Variants in PATJ observed in about 807,000 individuals in gnomAD.
PATJ encodes inaD-like protein.
Under a neutral mutation model 224.9 loss-of-function variants are expected in PATJ, and 190 were observed. The observed-to-expected ratio is 0.84, with a 90% CI of 0.75 to 0.95. The LOEUF (loss-of-function observed/expected upper bound fraction) is 0.95. Ranked by LOEUF, PATJ falls within the 40% of genes least tolerant of loss-of-function variation. The pLI is 0.00. For synonymous variants in PATJ, 769 were observed against 820.3 expected, an observed-to-expected ratio of 0.94 and a Z score of 1.07; for missense variants, 2,121 against 2,270.3, an observed-to-expected ratio of 0.93 and a Z score of 1.34.
intron 33 of PATJ, among the ~76,000 whole-genome samples, chr1:62,095,448 A>AT (rs1341188952): frequency 4.6e-5 from 7 of 152,234 alleles, no homozygotes; most frequent in African/African-American, 1.7e-4. Context: ...TCATCTCTGC[A>AT]TTTTACCTTT....
chr1:62,127,902 T>G, intron 39 of PATJ, 70 bp from the exon 40 acceptor site: 1 of 1,528,882 alleles, frequency 6.5e-7, no homozygotes, highest in Non-Finnish European at 9.0e-7. Flanking sequence ...CCAACAGCTA[T>G]CTATCTAGGG....
At chr1:62,127,649 T>C (rs1191617574) in intron 39 of PATJ, among the ~76,000 whole-genome samples, 1 of 151,988 alleles carries the variant, frequency 6.6e-6, no homozygotes, top group African/African-American at 2.4e-5. Flanking sequence ...CTACTAAAAA[T>C]ACAAAAAATT....
At chr1:61,845,662 C>T in intron 17 of PATJ, among the ~76,000 whole-genome samples, 1 of 152,082 alleles carries the variant, frequency 6.6e-6, no homozygotes, top group African/African-American at 2.4e-5. Context: ...TTTATTTCTA[C>T]ATATTGTGTG....
chr1:61,861,269 A>C (rs1334506689), intron 18 of PATJ, among the ~76,000 whole-genome samples: 1 of 51,486 alleles, frequency 1.9e-5, no homozygotes, highest in Non-Finnish European at 4.9e-5. Flanking sequence ...TGAAACCAGG[A>C]TATTTTCTTT....
chr1:61,909,125 A>C (rs1004219545), intron 25 of PATJ, among the ~76,000 whole-genome samples: 1 of 151,920 alleles, frequency 6.6e-6, no homozygotes, highest in African/African-American at 2.4e-5. Flanking sequence ...GATTACAAGC[A>C]TGTGCCACCA....
chr1:62,039,548 T>G (rs1010981420), intron 30 of PATJ, among the ~76,000 whole-genome samples: 3 of 152,136 alleles, frequency 2.0e-5, no homozygotes, highest in African/African-American at 7.2e-5. Flanking sequence ...ACCAAAAGAA[T>G]TATCATATAG....
At position 61,795,569 on chromosome 1, in the gene PATJ, C is replaced by T. The variant is rs370326968; in HGVS notation, c.1260+11C>T. ...GACAAAATAGTTGCTGTAAGTAACT[C>T]GCCTCTGTTTTAGGTTTGATTCTAG... On this transcript the variant is annotated intron_variant, in intron 10 of 43. Coordinates refer to ENST00000642238, the MANE Select transcript of PATJ (RefSeq NM_001350145.3). The T allele has an allele frequency of 3.2e-5, 50 of 1,547,664 alleles. 1 individual carries two copies. Among genetic ancestry groups the T allele is most frequent in the South Asian group, 3.0e-4 (27 of 88,794 alleles).
At chr1:61,849,978 T>C (rs1343483906) in intron 17 of PATJ, among the ~76,000 whole-genome samples, 1 of 152,238 alleles carries the variant, frequency 6.6e-6, no homozygotes, top group Non-Finnish European at 1.5e-5. Context: ...ATGCCTCTTA[T>C]TGATGCATTT....
intron 38 of PATJ, among the ~76,000 whole-genome samples, chr1:62,122,383 AAAC>A (rs1665174895): frequency 6.6e-6 from 1 of 150,814 alleles, no homozygotes; most frequent in African/African-American, 2.4e-5. Flanking sequence ...AAAAAAAAAA[AAAC>A]CACACACACA....
chr1:62,125,796 G>C (rs184541253), intron 39 of PATJ, among the ~76,000 whole-genome samples: 25 of 151,984 alleles, frequency 1.6e-4, no homozygotes, highest in Admixed American at 1.4e-3. Flanking sequence ...CTGAGACAGA[G>C]TCTCACTCTG....
At chr1:62,129,030 G>A (rs571037998) in intron 41 of PATJ, 85 bp downstream of exon 41, 10 of 818,204 alleles carry the variant, frequency 1.2e-5, no homozygotes, top group East Asian at 2.5e-5. Flanking sequence ...AGTAGACATC[G>A]CCACCCAGCA....
chr1:61,889,265 A>G (rs969840737), intron 22 of PATJ, among the ~76,000 whole-genome samples: 1 of 152,174 alleles, frequency 6.6e-6, no homozygotes. Flanking sequence ...GTGATGTTTT[A>G]TCTACAGTGC....
intron 27 of PATJ, among the ~76,000 whole-genome samples, chr1:61,965,768 G>A (rs946902254): frequency 1.3e-5 from 2 of 152,194 alleles, no homozygotes; most frequent in Admixed American, 1.3e-4. Context: ...CGTTTTAACC[G>A]AGGAGGCAGT....
intron 41 of PATJ, among the ~76,000 whole-genome samples, chr1:62,137,754 C>CT (rs781046396): frequency 2.0e-5 from 3 of 151,974 alleles, no homozygotes; most frequent in South Asian, 2.1e-4. Context: ...GCAAACGTCT[C>CT]TAACTGTTCC....
chr1:62,068,570 G>A (rs1656867381), intron 31 of PATJ, among the ~76,000 whole-genome samples: 1 of 152,178 alleles, frequency 6.6e-6, no homozygotes, highest in African/African-American at 2.4e-5. Flanking sequence ...ATTCTTGTGT[G>A]GTTCAAGTGT....
intron 31 of PATJ, among the ~76,000 whole-genome samples, chr1:62,065,786 C>CGCAGGGCTTAGAGAAGTAAAATG (rs1656303891): frequency 6.6e-6 from 1 of 152,144 alleles, no homozygotes; most frequent in African/African-American, 2.4e-5. Flanking sequence ...ATTTTTAGCA[C>CGCAGGGCTTAGAGAAGTAAAATG]GCAGGGCTTA....
At chr1:62,041,536 G>A (rs1240509376) in intron 30 of PATJ, among the ~76,000 whole-genome samples, 2 of 152,156 alleles carry the variant, frequency 1.3e-5, no homozygotes, top group Non-Finnish European at 1.5e-5. Flanking sequence ...AGTCAAACTT[G>A]ATTAATTAAA....
At chr1:61,919,618 G>A (rs889617142) in intron 26 of PATJ, among the ~76,000 whole-genome samples, 3 of 151,908 alleles carry the variant, frequency 2.0e-5, no homozygotes, top group African/African-American at 7.3e-5. Flanking sequence ...GTTTTGCTAA[G>A]TTCCTGTTTA....
At chr1:62,023,952 A>T (rs1647279079) in intron 29 of PATJ, among the ~76,000 whole-genome samples, 1 of 152,134 alleles carries the variant, frequency 6.6e-6, no homozygotes, top group Non-Finnish European at 1.5e-5. Flanking sequence ...TATTGAGATG[A>T]TCATCATATG....
Sources: allele counts gnomAD v4.1 joint callset (sites outside exome capture counted in the v4.1 genomes callset), GRCh38; gene constraint gnomAD v4.1.1; transcripts MANE v1.5; gene names NCBI Gene and HGNC (gene_info 2026-07-23, HGNC 2026-07-21).